The following EXOC4 variants were observed in gnomAD, a reference collection of about 807,000 sequenced individuals.
The protein encoded by EXOC4 is SEC8-like 1.
A neutral mutation model predicts 107.2 loss-of-function variants in EXOC4; 71 were observed. That is an observed-to-expected ratio of 0.66 (90% CI 0.55 to 0.81). The LOEUF (loss-of-function observed/expected upper bound fraction) is 0.81. Among genes scored for constraint, EXOC4 ranks in the 30% least tolerant of loss-of-function variants. The pLI is 0.00. For missense variants in EXOC4, 1,108 were observed against 1,189.6 expected (o/e 0.93, Z 1.01); for synonymous variants, 456 against 441.2 (o/e 1.03, Z -0.42).
chr7:133,589,047 A>T (rs1457689304), intron 9 of EXOC4, among the ~76,000 whole-genome samples: 1 of 152,066 alleles, frequency 6.6e-6, no homozygotes, highest in Non-Finnish European at 1.5e-5. Context: ...ACAAAATAAA[A>T]ATATAAACTT....
intron 4 of EXOC4, among the ~76,000 whole-genome samples, chr7:133,312,288 A>G (rs1794891101): frequency 6.6e-6 from 1 of 152,200 alleles, no homozygotes; most frequent in Non-Finnish European, 1.5e-5. Flanking sequence ...GAAAAATAGC[A>G]TAGATAGTAT....
At position 133,571,642 on chromosome 7, in the gene EXOC4, G is replaced by A. The variant is rs377736954; in HGVS notation, c.1418-58403G>A. 2.3e-4 allele frequency among the ~76,000 whole-genome samples: 34 copies of A among 150,554 alleles called. No homozygotes were observed. The South Asian group carries it at 6.9e-3, about 31-fold the overall frequency. ...GTGAGCCAAGATGGCACCACTGCAT[G>A]CCAGCCTGGATGACAGAGTGAGACT... is the stretch of plus-strand genomic sequence containing the variant. On this transcript the variant is annotated intron_variant, in intron 9 of 17. Transcript: ENST00000253861.
chr7:133,790,599 G>C (rs866026204), intron 10 of EXOC4, among the ~76,000 whole-genome samples: 22 of 152,254 alleles, frequency 1.4e-4, no homozygotes, highest in African/African-American at 5.3e-4. Context: ...CATTTCATTT[G>C]AAATAATTAG....
At chr7:133,799,115 GC>G (rs1796878194) in intron 10 of EXOC4, among the ~76,000 whole-genome samples, 1 of 152,126 alleles carries the variant, frequency 6.6e-6, no homozygotes, top group African/African-American at 2.4e-5. Context: ...TATGAAAATT[GC>G]TTAGCAAGTT....
intron 7 of EXOC4, among the ~76,000 whole-genome samples, chr7:133,381,478 G>A (rs893446651): frequency 3.3e-5 from 5 of 152,110 alleles, no homozygotes; most frequent in Non-Finnish European, 7.4e-5. Flanking sequence ...TGGCACTCCA[G>A]GCAGATGGAA....
At chr7:134,073,112 A>G in the EXOC4 span, among the ~76,000 whole-genome samples, 1 of 146,062 alleles carries the variant, frequency 6.8e-6, no homozygotes, top group Non-Finnish European at 1.5e-5. Context: ...AGGCTGAGAC[A>G]GGAGAATCGC....
In EXOC4 at chr7:133,588,964, G is replaced by T. The variant is rs550904489; in HGVS notation, c.1418-41081G>T. 1.8e-3 allele frequency among the ~76,000 whole-genome samples: 269 copies of T among 148,376 alleles called. 1 individual carries two copies. The highest frequency in any genetic ancestry group is 6.2e-3 in the African/African-American group (251 of 40,338). On this transcript the variant is annotated intron_variant, in intron 9 of 17. Coordinates refer to ENST00000253861, the MANE Select transcript of EXOC4 (RefSeq NM_021807.4). ...TATGTATATGTGTGTGTGCACATAT[G>T]TGTGTGTGTGTGTATGTGTATACAC...
chr7:133,346,080 A>C (rs1406888495), intron 5 of EXOC4, among the ~76,000 whole-genome samples: 1 of 152,214 alleles, frequency 6.6e-6, no homozygotes, highest in East Asian at 1.9e-4. Flanking sequence ...TGTAAGAAGT[A>C]ATTTTTCACG....
intron 2 of EXOC4, among the ~76,000 whole-genome samples, chr7:133,284,301 T>C (rs1794225108): frequency 6.6e-6 from 1 of 152,192 alleles, no homozygotes; most frequent in Non-Finnish European, 1.5e-5. Context: ...AGTTGGGTGT[T>C]GTATAACATA....
intron 7 of EXOC4, among the ~76,000 whole-genome samples, chr7:133,395,245 A>C (rs1796945411): frequency 6.6e-6 from 1 of 152,036 alleles, no homozygotes. Context: ...TTGCATTTTA[A>C]ATATAAAGTA....
At chr7:133,821,707 G>A (rs750075152) in intron 11 of EXOC4, among the ~76,000 whole-genome samples, 2 of 152,104 alleles carry the variant, frequency 1.3e-5, no homozygotes, top group Non-Finnish European at 2.9e-5. Flanking sequence ...TCACAGAGAG[G>A]TAAAGCACAG....
intron 10 of EXOC4, among the ~76,000 whole-genome samples, chr7:133,694,109 C>CA (rs1794479922): frequency 6.6e-6 from 1 of 151,884 alleles, no homozygotes; most frequent in Non-Finnish European, 1.5e-5. Context: ...ACTACAAATA[C>CA]AAAAATTAGC....
At chr7:133,401,651 T>TAA (rs11387586) in intron 7 of EXOC4, among the ~76,000 whole-genome samples, 19 of 141,224 alleles carry the variant, frequency 1.3e-4, no homozygotes, top group South Asian at 2.3e-4. Context: ...GACCCTGTCT[T>TAA]AAAAAAAAAA....
At chr7:133,264,159 G>T (rs948949419) in intron 1 of EXOC4, among the ~76,000 whole-genome samples, 1 of 152,124 alleles carries the variant, frequency 6.6e-6, no homozygotes, top group African/African-American at 2.4e-5. Flanking sequence ...TTATGCCTTA[G>T]TGGGGTGATT....
chr7:134,063,579 C>T (rs555024745), intron 17 of EXOC4, among the ~76,000 whole-genome samples: 1 of 152,214 alleles, frequency 6.6e-6, no homozygotes, highest in East Asian at 1.9e-4. Context: ...TGGCACAGTG[C>T]TCGGGAATGA....
intron 14 of EXOC4, among the ~76,000 whole-genome samples, chr7:133,955,922 C>T (rs1800808114): frequency 6.6e-6 from 1 of 152,240 alleles, no homozygotes; most frequent in African/African-American, 2.4e-5. Flanking sequence ...TGAGAGTAGG[C>T]ACTTCTGAGC....
chr7:133,564,851 C>T (rs750994134), intron 9 of EXOC4, among the ~76,000 whole-genome samples: 3 of 152,098 alleles, frequency 2.0e-5, no homozygotes, highest in African/African-American at 4.8e-5. Flanking sequence ...TGCAAATTGT[C>T]GTGGAACTGA....
intron 10 of EXOC4, among the ~76,000 whole-genome samples, chr7:133,730,678 G>A (rs1309390634): frequency 1.3e-5 from 2 of 152,282 alleles, no homozygotes; most frequent in Admixed American, 6.5e-5. Context: ...ATACAGCAAA[G>A]TGTAAGATGA....
At chr7:133,268,926 C>A (rs1272404933) in intron 1 of EXOC4, among the ~76,000 whole-genome samples, 1 of 152,088 alleles carries the variant, frequency 6.6e-6, no homozygotes, top group Non-Finnish European at 1.5e-5. Flanking sequence ...TCTTAATGAT[C>A]CAGAAATGTC....
Sources: gnomAD v4.1 joint callset for allele counts (sites outside exome capture counted in the v4.1 genomes callset) on GRCh38, gnomAD v4.1.1 for gene constraint, MANE v1.5 for transcripts, NCBI Gene and HGNC (gene_info 2026-07-23, HGNC 2026-07-21) for gene names.